The following SCARA5 variants were observed in gnomAD, a reference collection of about 807,000 sequenced individuals.
SCARA5 encodes scavenger receptor class A, member 5 (putative).
SCARA5 carries 45 observed loss-of-function variants against 46.3 expected under a neutral mutation model. The observed-to-expected ratio is 0.97, with a 90% confidence interval of 0.76 to 1.24. The LOEUF (loss-of-function observed/expected upper bound fraction) is 1.24. Ranked by LOEUF, SCARA5 falls within the 50% of genes most tolerant of loss-of-function variation. SCARA5 has a pLI of 0.00. For synonymous variants in SCARA5, 333 were observed against 306.5 expected, an observed-to-expected ratio of 1.09 and a Z score of -0.90; for missense variants, 680 against 689.0, an observed-to-expected ratio of 0.99 and a Z score of 0.15.
rs2280931 is a variant in SCARA5 at position 27,870,525 on chromosome 8, C to T, written c.*1409G>A. 19,971 of 152,228 alleles carry T rather than the reference C, an allele frequency of 0.13. 1,341 individuals are homozygous for T. Among genetic ancestry groups the T allele is most frequent in the East Asian group, 0.2 (1,029 of 5,154 alleles). The allele number at this position is 152,228 out of a possible 1,614,324, so 9.4% of individuals were successfully genotyped here. A position where few individuals can be genotyped will look rare whatever the true frequency, so the allele number is the denominator to read the frequency against. ...TCTCCCCAAGCAGGCCAGTGCTCAC[C>T]TGATATGACAGGTGATCGTGTATCT... On this transcript the variant is annotated 3_prime_UTR_variant, in exon 9 of 9. Transcript: ENST00000354914.
rs368420042 is a variant in SCARA5 at position 27,911,762 on chromosome 8, C to T, written c.917-2019G>A. Among the ~76,000 whole-genome samples, 232 of 152,278 alleles carry T rather than the reference C, an allele frequency of 1.5e-3. 1 individual carries two copies. The highest frequency in any genetic ancestry group is 5.3e-3 in the African/African-American group (219 of 41,560). On this transcript the variant is annotated intron_variant, in intron 4 of 8. Transcript: ENST00000354914. ...AGTGGCCTTTATAGTGTCCCTACCC[C>T]CTTAAATTCACGTCTACCAGGAACC...
intron 2 of SCARA5, among the ~76,000 whole-genome samples, chr8:27,976,953 C>T (rs1044736475): frequency 3.3e-5 from 5 of 152,220 alleles, no homozygotes; most frequent in African/African-American, 7.2e-5. Context: ...GCTTAGCCAG[C>T]CCCCCTGCCT....
intron 4 of SCARA5, among the ~76,000 whole-genome samples, chr8:27,918,012 G>A (rs549547600): frequency 5.3e-5 from 8 of 152,258 alleles, no homozygotes; most frequent in South Asian, 2.1e-4. Flanking sequence ...TTGCTTTTAC[G>A]AATATTGAGT....
At chr8:27,936,163 C>G (rs1219170884) in intron 3 of SCARA5, among the ~76,000 whole-genome samples, 1 of 151,992 alleles carries the variant, frequency 6.6e-6, no homozygotes, top group Non-Finnish European at 1.5e-5. Flanking sequence ...CACAGGTGAC[C>G]CATGATGTTC....
chr8:27,936,590 A>AT (rs1406958826), intron 3 of SCARA5, among the ~76,000 whole-genome samples: 2 of 137,848 alleles, frequency 1.5e-5, no homozygotes, highest in Non-Finnish European at 3.1e-5. Flanking sequence ...CTGTGTCTCC[A>AT]TTAAAAAAAA....
intron 2 of SCARA5, among the ~76,000 whole-genome samples, chr8:27,971,800 G>A (rs1197039802): frequency 6.7e-6 from 1 of 150,176 alleles, no homozygotes; most frequent in African/African-American, 2.5e-5. Context: ...TCTCGGTGTG[G>A]AGCACGTGGC....
In SCARA5 at chr8:27,972,334, CAAAACAAAAAACAAAACAAAAA is replaced by C. The variant is rs1377989889; in HGVS notation, c.113-5814_113-5793del. ...TCTGTCTCAAAAAAACAAAACAAAA[CAAAACAAAAAACAAAACAAAAA>C]AAAACAAAAAAAGTAGACACTTTAA... On this transcript the variant is annotated intron_variant, in intron 2 of 8. Coordinates refer to ENST00000354914, the MANE Select transcript of SCARA5 (RefSeq NM_173833.6). Among the ~76,000 whole-genome samples the C allele has an allele frequency of 9.2e-5, 3 of 32,600 alleles. No individual in the cohort carries two copies. The East Asian group carries it at 2.3e-3, about 26-fold the overall frequency. 21.4% of individuals were successfully genotyped at this position (32,600 alleles called of 152,430 possible).
At position 27,870,214 on chromosome 8, in the gene SCARA5, GTT is replaced by G. The variant is rs11321344; in HGVS notation, c.*1718_*1719del. The G allele has an allele frequency of 0.021, 2,695 of 129,884 alleles. 65 individuals are homozygous for G. The highest frequency in any genetic ancestry group is 0.063 in the African/African-American group (2,196 of 35,082). The allele number at this position is 129,884 out of a possible 1,614,324, so 8.0% of individuals were successfully genotyped here. ...TTCAATGTGGCATCTTTCACCTTTA[GTT>G]TTTTTTTTTTTTTTTTTTTAACTTA... On this transcript the variant is annotated 3_prime_UTR_variant, in exon 9 of 9. Coordinates refer to ENST00000354914, the MANE Select transcript of SCARA5 (RefSeq NM_173833.6).
At chr8:27,963,619 G>T (rs565381125) in intron 3 of SCARA5, among the ~76,000 whole-genome samples, 1 of 152,236 alleles carries the variant, frequency 6.6e-6, no homozygotes, top group South Asian at 2.1e-4. Flanking sequence ...GGTGGTGGCC[G>T]GATTAACCTT....
At chr8:27,912,377 C>T (rs183618757) in intron 4 of SCARA5, among the ~76,000 whole-genome samples, 26 of 152,106 alleles carry the variant, frequency 1.7e-4, no homozygotes, top group Admixed American at 5.2e-4. Context: ...ATGGCACGCA[C>T]GCAGGGAAAA....
In SCARA5 at chr8:27,921,921, T is replaced by C. The variant is rs368216809; in HGVS notation, c.566A>G (p.Gln189Arg). 925 of 1,531,588 alleles carry C rather than the reference T, an allele frequency of 6.0e-4. 1 individual carries two copies. The highest frequency in any genetic ancestry group is 7.8e-4 in the Non-Finnish European group (897 of 1,147,614). The allele number at this position is 1,531,588 out of a possible 1,614,324, so 94.9% of individuals were successfully genotyped here. Reference protein sequence around the residue: ...DTAQLELYQLQVESNSSQLLL... With the variant: ...DTAQLELYQLRVESNSSQLLL... ...CAGCTGGCTACTGTTGCTCTCCACC[T>C]GCAGCTGGTAGAGCTCCAGCTGCGC... Residue 189 changes from glutamine (Q) to arginine (R), a missense_variant, in exon 4 of 9, where the codon CAG (glutamine) becomes CGG (arginine). Physicochemically the swap from Gln to Arg is conservative, Grantham distance 43. Around this residue, in one of 3 missense-constraint regions of SCARA5, gnomAD observed 438 missense variants for 384.5 expected, o/e 1.14. Coordinates refer to ENST00000354914, the MANE Select transcript of SCARA5 (RefSeq NM_173833.6).
chr8:27,965,443 A>G (rs1808354870), intron 3 of SCARA5, among the ~76,000 whole-genome samples: 1 of 152,100 alleles, frequency 6.6e-6, no homozygotes, highest in Admixed American at 6.5e-5. Flanking sequence ...ACCTCCCTCT[A>G]TGTGCCTGCT....
At chr8:27,989,851 A>G (rs2129992826) in intron 1 of SCARA5, among the ~76,000 whole-genome samples, 1 of 152,304 alleles carries the variant, frequency 6.6e-6, no homozygotes, top group African/African-American at 2.4e-5. Flanking sequence ...AGCACTGCTA[A>G]GTTGCAAGGG....
At chr8:27,904,112 G>A (rs1159836849) in intron 7 of SCARA5, among the ~76,000 whole-genome samples, 6 of 152,146 alleles carry the variant, frequency 3.9e-5, no homozygotes, top group Admixed American at 1.3e-4. Flanking sequence ...AGCAAGGACC[G>A]CATCAGAAAG....
At chr8:27,937,084 T>C (rs180980481) in intron 3 of SCARA5, among the ~76,000 whole-genome samples, 1 of 152,196 alleles carries the variant, frequency 6.6e-6, no homozygotes, top group South Asian at 2.1e-4. Context: ...AATTTATAAG[T>C]AGCATTCGAG....
At chr8:27,918,691 G>A (rs1379349967) in intron 4 of SCARA5, among the ~76,000 whole-genome samples, 9 of 22,340 alleles carry the variant, frequency 4.0e-4, no homozygotes, top group African/African-American at 6.6e-4. Context: ...AGGAGGAAAA[G>A]GAAGATGAGG....
At chr8:27,974,149 A>T (rs1808487256) in intron 2 of SCARA5, among the ~76,000 whole-genome samples, 1 of 152,164 alleles carries the variant, frequency 6.6e-6, no homozygotes, top group Admixed American at 6.5e-5. Flanking sequence ...CTTTCCCTGT[A>T]TTAAGCAGGC....
At position 27,897,070 on chromosome 8, in the gene SCARA5, C is replaced by T. The variant is rs539504077; in HGVS notation, c.1153+7708G>A. On this transcript the variant is annotated intron_variant, in intron 7 of 8. Transcript: ENST00000354914. Reference sequence around the variant, plus strand: ...TTGTGCCACTGCACTCCAGGCTGGGCGACAGAGTGAGACTCGGTCTCAAAA... The same window carrying T: ...TTGTGCCACTGCACTCCAGGCTGGGTGACAGAGTGAGACTCGGTCTCAAAA... Among the ~76,000 whole-genome samples the T allele has an allele frequency of 1.0e-3, 149 of 149,708 alleles. 1 individual carries two copies. The highest frequency in any genetic ancestry group is 3.3e-3 in the African/African-American group (137 of 40,940).
chr8:27,944,137 G>A (rs549902189), intron 3 of SCARA5, among the ~76,000 whole-genome samples: 1 of 152,342 alleles, frequency 6.6e-6, no homozygotes, highest in South Asian at 2.1e-4. Context: ...ATGAAATACA[G>A]TGAAAGGCAA....
Sources: allele counts gnomAD v4.1 joint callset (sites outside exome capture counted in the v4.1 genomes callset), GRCh38; gene constraint gnomAD v4.1.1; regional missense constraint gnomAD v4.1.1; transcripts MANE v1.5; gene names NCBI Gene and HGNC (gene_info 2026-07-23, HGNC 2026-07-21).